The following ROBO2 variants were observed in gnomAD, a reference collection of about 807,000 sequenced individuals.
The protein encoded by ROBO2 is roundabout homolog 2.
ROBO2 carries 53 observed loss-of-function variants against 160.8 expected under a neutral mutation model. The observed-to-expected ratio is 0.33, with a 90% CI of 0.26 to 0.41. The LOEUF is 0.41. ROBO2 is among the 10% of genes least tolerant of loss of function. The pLI is 1.00. For synonymous variants in ROBO2, 664 were observed against 611.7 expected (o/e 1.09, Z -1.26); for missense variants, 1,577 against 1,722.4 (o/e 0.92, Z 1.49).
intron 2 of ROBO2, among the ~76,000 whole-genome samples, chr3:77,305,958 G>A (rs1359261452): frequency 6.6e-6 from 1 of 152,044 alleles, no homozygotes; most frequent in Non-Finnish European, 1.5e-5. Flanking sequence ...ATTTCAGGTA[G>A]CTTCTTTATT....
intron 2 of ROBO2, among the ~76,000 whole-genome samples, chr3:76,404,669 C>T (rs1284460854): frequency 6.6e-6 from 1 of 150,842 alleles, no homozygotes; most frequent in African/African-American, 2.4e-5. Context: ...ATGAGAGACT[C>T]GAAGTTGCTT....
chr3:76,683,742 T>G (rs1300242638), intron 2 of ROBO2, among the ~76,000 whole-genome samples: 1 of 152,106 alleles, frequency 6.6e-6, no homozygotes, highest in Non-Finnish European at 1.5e-5. Flanking sequence ...GTGAAAGCCT[T>G]TTCACAAACT....
At chr3:77,179,188 A>G (rs773630193) in intron 2 of ROBO2, among the ~76,000 whole-genome samples, 39 of 151,870 alleles carry the variant, frequency 2.6e-4, no homozygotes, top group Non-Finnish European at 4.9e-4. Flanking sequence ...AACTGCCTTT[A>G]GGTTTAGTTT....
chr3:77,153,448 T>G (rs536587079), intron 2 of ROBO2, among the ~76,000 whole-genome samples: 5 of 152,296 alleles, frequency 3.3e-5, no homozygotes, highest in Admixed American at 2.6e-4. Context: ...TCTTTGTAAT[T>G]ACCATTGTGA....
intron 2 of ROBO2, among the ~76,000 whole-genome samples, chr3:76,983,129 C>CA: frequency 6.6e-6 from 1 of 151,748 alleles, no homozygotes; most frequent in Middle Eastern, 3.4e-3. Context: ...ACTAAAAATA[C>CA]AAAAAATTAG....
At chr3:77,597,296 AAAATAAATAAAT>A (rs754183877) in intron 19 of ROBO2, among the ~76,000 whole-genome samples, 1 of 121,316 alleles carries the variant, frequency 8.2e-6, no homozygotes, top group Non-Finnish European at 1.8e-5. Flanking sequence ...CTGTTATCCA[AAAATAAATAAAT>A]AAATAAATAA....
chr3:77,104,397 T>C (rs967319116), intron 2 of ROBO2, among the ~76,000 whole-genome samples: 1 of 152,204 alleles, frequency 6.6e-6, no homozygotes, highest in African/African-American at 2.4e-5. Flanking sequence ...CATGTATTAG[T>C]ACTTTATTCT....
intron 2 of ROBO2, among the ~76,000 whole-genome samples, chr3:76,811,876 TCC>T (rs1576780842): frequency 1.4e-5 from 2 of 138,866 alleles, no homozygotes; most frequent in Admixed American, 7.5e-5. Flanking sequence ...CTTCCTTCCT[TCC>T]TTCCTTTTTT....
chr3:76,767,630 T>C (rs2061647237), intron 2 of ROBO2, among the ~76,000 whole-genome samples: 1 of 151,540 alleles, frequency 6.6e-6, no homozygotes, highest in African/African-American at 2.4e-5. Context: ...TAAAGAAAAG[T>C]GCATACAAAA....
chr3:76,813,661 T>C (rs2065396731), intron 2 of ROBO2, among the ~76,000 whole-genome samples: 1 of 152,092 alleles, frequency 6.6e-6, no homozygotes, highest in Non-Finnish European at 1.5e-5. Context: ...TAAAATAAAA[T>C]AGCGCAGCAT....
chr3:76,777,105 A>G (rs1234383634), intron 2 of ROBO2, among the ~76,000 whole-genome samples: 1 of 151,116 alleles, frequency 6.6e-6, no homozygotes, highest in Non-Finnish European at 1.5e-5. Context: ...TCTGCACTAC[A>G]TCCAAGGGCT....
intron 2 of ROBO2, among the ~76,000 whole-genome samples, chr3:76,738,202 C>T (rs148887500): frequency 6.4e-4 from 97 of 152,128 alleles, no homozygotes; most frequent in African/African-American, 2.2e-3. Context: ...GCCTACTCTG[C>T]GAAAAGCCAC....
At chr3:76,434,462 G>T (rs1033228812) in intron 2 of ROBO2, 205 of 1,551,578 alleles carry the variant, frequency 1.3e-4, no homozygotes, top group Non-Finnish European at 1.8e-4. Flanking sequence ...TTATGTGAAA[G>T]AAATGAATGA....
chr3:76,486,107 C>G (rs1391577980), intron 2 of ROBO2, among the ~76,000 whole-genome samples: 1 of 152,162 alleles, frequency 6.6e-6, no homozygotes, highest in African/African-American at 2.4e-5. Flanking sequence ...TTGTTATCAT[C>G]AGGGGCTGCA....
chr3:77,058,664 G>C (rs2149746983), intron 1 of ROBO2, among the ~76,000 whole-genome samples: 1 of 151,888 alleles, frequency 6.6e-6, no homozygotes, highest in Admixed American at 6.6e-5. Context: ...TGAGTAGCTG[G>C]GATTATAGGC....
At chr3:76,951,508 A>G (rs937889768) in intron 2 of ROBO2, among the ~76,000 whole-genome samples, 3 of 152,222 alleles carry the variant, frequency 2.0e-5, no homozygotes, top group Non-Finnish European at 4.4e-5. Flanking sequence ...ACTCAAAGTT[A>G]TGGTGTATGT....
intron 2 of ROBO2, among the ~76,000 whole-genome samples, chr3:77,321,589 C>G (rs569583806): frequency 6.6e-6 from 1 of 151,980 alleles, no homozygotes; most frequent in East Asian, 1.9e-4. Flanking sequence ...GATAGAATCA[C>G]TAGATAGTTA....
chr3:76,458,912 G>A (rs898906152), intron 2 of ROBO2, among the ~76,000 whole-genome samples: 12 of 152,102 alleles, frequency 7.9e-5, no homozygotes, highest in Non-Finnish European at 1.6e-4. Context: ...ACAGCATGTG[G>A]GAATTCTGGG....
At chr3:76,215,309 G>T (rs569508993) in intron 2 of ROBO2, among the ~76,000 whole-genome samples, 1 of 152,194 alleles carries the variant, frequency 6.6e-6, no homozygotes, top group East Asian at 1.9e-4. Flanking sequence ...AAGCTGGATG[G>T]AGAATGACTT....
Sources: gnomAD v4.1 joint callset for allele counts (sites outside exome capture counted in the v4.1 genomes callset) on GRCh38, gnomAD v4.1.1 for gene constraint, MANE v1.5 for transcripts, NCBI Gene and HGNC (gene_info 2026-07-23, HGNC 2026-07-21) for gene names.